Variants in NT5M observed in about 807,000 individuals in gnomAD.
NT5M encodes the protein 5'(3')-deoxyribonucleotidase, mitochondrial.
NT5M carries 22 observed loss-of-function variants against 22.2 expected under a neutral mutation model. The ratio of observed to expected loss-of-function variants is 0.99; its 90% CI spans 0.71 to 1.41. The LOEUF is 1.41. Ranked by LOEUF, NT5M falls within the 40% of genes most tolerant of loss-of-function variation. The probability of loss-of-function intolerance (pLI) is 0.00; values close to 1 mark genes in which losing one functional copy is unlikely to be tolerated. For synonymous variants in NT5M, 167 were observed against 133.0 expected, an observed-to-expected ratio of 1.26 and a Z score of -1.76; for missense variants, 322 against 314.8, an observed-to-expected ratio of 1.02 and a Z score of -0.17.
intron 3 of NT5M, among the ~76,000 whole-genome samples, chr17:17,339,933 GTTTTC>G (rs983917109): frequency 5.3e-5 from 8 of 151,984 alleles, no homozygotes; most frequent in Admixed American, 1.3e-4. Context: ...TTGGCCTATA[GTTTTC>G]TTTTCTTTTT....
In NT5M at chr17:17,315,722, G is replaced by A. The variant is rs768327176; in HGVS notation, c.369-7463G>A. ...TGGGTGGAGGGTGAAGTTGAAGAGA[G>A]ATTGATGTGATCTAACTTAGGGTTT... is the stretch of plus-strand genomic sequence containing the variant. On this transcript the variant is annotated intron_variant, in intron 2 of 4. Coordinates refer to ENST00000389022, the MANE Select transcript of NT5M (RefSeq NM_020201.4). 6.9e-3 allele frequency among the ~76,000 whole-genome samples: 978 copies of A among 142,166 alleles called. 8 individuals carry two copies. Among genetic ancestry groups the A allele is most frequent in the Non-Finnish European group, 9.0e-3 (593 of 65,596 alleles). The allele number at this position is 142,166 out of a possible 152,430, so 93.3% of individuals were successfully genotyped here.
chr17:17,337,467 T>A lies in NT5M; in HGVS notation c.430-7327T>A, dbSNP rs1343503327. Among the ~76,000 whole-genome samples the A allele has an allele frequency of 3.3e-5, 5 of 152,122 alleles. No homozygotes were observed. In the East Asian group the frequency reaches 9.7e-4, roughly 29 times the overall value. ...TTCTCAGACTGGTGTACAAGTGGTTTAATCATGGCTCACTGCAGCCTTGAC... is the reference window on the plus strand; with the variant it reads ...TTCTCAGACTGGTGTACAAGTGGTTAAATCATGGCTCACTGCAGCCTTGAC... On this transcript the variant is annotated intron_variant, in intron 3 of 4. Transcript: ENST00000389022.
chr17:17,312,252 G>C lies in NT5M; in HGVS notation c.368+5609G>C, dbSNP rs563198803. 2.1e-4 allele frequency among the ~76,000 whole-genome samples: 32 copies of C among 152,314 alleles called. 1 individual carries two copies. The highest frequency in any genetic ancestry group is 5.9e-5 in the Non-Finnish European group (4 of 68,028). Reference sequence around the variant, plus strand: ...CCACGGTATGGGAAACAATGGATTAGATTGGCTTCTTCACCATAGTACTTT... The same window carrying C: ...CCACGGTATGGGAAACAATGGATTACATTGGCTTCTTCACCATAGTACTTT... On this transcript the variant is annotated intron_variant, in intron 2 of 4. Coordinates refer to ENST00000389022, the MANE Select transcript of NT5M (RefSeq NM_020201.4).
rs1404658643 is a variant in NT5M at position 17,327,096 on chromosome 17, A to G, written c.429+3851A>G. Reference sequence around the variant, plus strand: ...CCGGCTAATTTTTTTTTGTATTTTTAGTAGAAACAGGGTTTCATCATGTTG... The same window carrying G: ...CCGGCTAATTTTTTTTTGTATTTTTGGTAGAAACAGGGTTTCATCATGTTG... On this transcript the variant is annotated intron_variant, in intron 3 of 4. Coordinates refer to ENST00000389022, the MANE Select transcript of NT5M (RefSeq NM_020201.4). 1.1e-4 allele frequency among the ~76,000 whole-genome samples: 4 copies of G among 37,200 alleles called. 1 individual carries two copies. Among genetic ancestry groups the G allele is most frequent in the Admixed American group, 8.8e-4 (3 of 3,428 alleles). 24.4% of individuals were successfully genotyped at this position (37,200 alleles called of 152,430 possible).
At chr17:17,309,831 GT>G (rs1221971206) in intron 2 of NT5M, among the ~76,000 whole-genome samples, 1 of 147,984 alleles carries the variant, frequency 6.8e-6, no homozygotes, top group Non-Finnish European at 1.5e-5. Flanking sequence ...TGTGGTTTTT[GT>G]TTTTTTTTTT....
intron 1 of NT5M, among the ~76,000 whole-genome samples, chr17:17,305,394 G>GCCCCCCCCCCCCCCCCCCCCCCC (rs34579357): frequency 5.4e-5 from 4 of 74,096 alleles, no homozygotes; most frequent in Non-Finnish European, 1.1e-4. Flanking sequence ...TAAAACAACC[G>GCCCCCCCCCCCCCCCCCCCCCCC]CCCCCCCCCC....
intron 2 of NT5M, among the ~76,000 whole-genome samples, chr17:17,317,315 C>T (rs35579933): frequency 6.6e-6 from 1 of 152,194 alleles, no homozygotes; most frequent in African/African-American, 2.4e-5. Flanking sequence ...TCCCAAAGTG[C>T]TGGGATTACA....
At chr17:17,331,715 T>A (rs1315807397) in intron 3 of NT5M, among the ~76,000 whole-genome samples, 1 of 151,612 alleles carries the variant, frequency 6.6e-6, no homozygotes, top group Non-Finnish European at 1.5e-5. Flanking sequence ...CATAATACCT[T>A]TAAAGTGTCC....
At chr17:17,314,736 C>A (rs950432900) in intron 2 of NT5M, among the ~76,000 whole-genome samples, 1 of 152,158 alleles carries the variant, frequency 6.6e-6, no homozygotes, top group African/African-American at 2.4e-5. Context: ...TTGGATGTGC[C>A]ACACGTGTTT....
intron 3 of NT5M, among the ~76,000 whole-genome samples, chr17:17,335,198 A>G (rs1053282223): frequency 6.6e-6 from 1 of 151,822 alleles, no homozygotes; most frequent in African/African-American, 2.4e-5. Flanking sequence ...AGTTCAGCTT[A>G]TTTCGTTTTT....
At chr17:17,304,165 C>G (rs891007758) in intron 1 of NT5M, among the ~76,000 whole-genome samples, 1 of 152,194 alleles carries the variant, frequency 6.6e-6, no homozygotes, top group Admixed American at 6.5e-5. Context: ...TCTTTCACCC[C>G]GACCGCAGTC....
chr17:17,344,643 G>A, intron 3 of NT5M, 151 bp from the exon 4 acceptor site: 2 of 895,374 alleles, frequency 2.2e-6, no homozygotes, highest in Non-Finnish European at 3.4e-6. Context: ...TCCCAGCACT[G>A]ACTGCCTGGC....
At chr17:17,323,620 T>C (rs540973738) in intron 3 of NT5M, among the ~76,000 whole-genome samples, 2 of 152,324 alleles carry the variant, frequency 1.3e-5, no homozygotes, top group East Asian at 3.9e-4. Context: ...TTGAAAAGAA[T>C]TAGAGTTGCA....
intron 3 of NT5M, among the ~76,000 whole-genome samples, chr17:17,329,430 G>C (rs1228973637): frequency 6.6e-6 from 1 of 152,172 alleles, no homozygotes. Flanking sequence ...CGGACTCCTT[G>C]ACTTGAAACT....
chr17:17,342,530 G>A (rs948058734), intron 3 of NT5M, among the ~76,000 whole-genome samples: 1 of 152,104 alleles, frequency 6.6e-6, no homozygotes, highest in Admixed American at 6.6e-5. Flanking sequence ...AAAAGCATTG[G>A]TCACAATGCA....
intron 3 of NT5M, among the ~76,000 whole-genome samples, chr17:17,338,025 C>A (rs1249548749): frequency 6.6e-6 from 1 of 152,032 alleles, no homozygotes; most frequent in Non-Finnish European, 1.5e-5. Flanking sequence ...TTTAGTAGTT[C>A]TTGTATATGG....
chr17:17,305,163 C>T (rs1365405161), intron 1 of NT5M, among the ~76,000 whole-genome samples: 1 of 152,114 alleles, frequency 6.6e-6, no homozygotes, highest in African/African-American at 2.4e-5. Flanking sequence ...CAAGCCCACC[C>T]CCAACTCCGA....
intron 3 of NT5M, among the ~76,000 whole-genome samples, chr17:17,338,485 G>T (rs934564859): frequency 3.3e-5 from 5 of 151,808 alleles, no homozygotes; most frequent in African/African-American, 1.2e-4. Flanking sequence ...GAGCCACTGC[G>T]CCTGGCCTGG....
At chr17:17,328,374 C>A (rs2049305207) in intron 3 of NT5M, among the ~76,000 whole-genome samples, 1 of 152,158 alleles carries the variant, frequency 6.6e-6, no homozygotes, top group Non-Finnish European at 1.5e-5. Flanking sequence ...AACCCTAGAA[C>A]TAAGACAAGG....
Sources: gnomAD v4.1 joint callset for allele counts (sites outside exome capture counted in the v4.1 genomes callset) on GRCh38, gnomAD v4.1.1 for gene constraint, MANE v1.5 for transcripts, NCBI Gene and HGNC (gene_info 2026-07-23, HGNC 2026-07-21) for gene names.